Variants in THSD1 observed in about 807,000 individuals in gnomAD.
THSD1 encodes thrombospondin type 1 domain containing 1.
Under a neutral mutation model 46.3 loss-of-function variants are expected in THSD1, and 34 were observed. The ratio of observed to expected loss-of-function variants is 0.74; its 90% CI spans 0.56 to 0.98. THSD1 has a LOEUF of 0.98. THSD1 is among the 50% of genes least tolerant of loss of function. THSD1 has a pLI of 0.00. For synonymous variants in THSD1, 407 were observed against 416.5 expected, an observed-to-expected ratio of 0.98 and a Z score of 0.28; for missense variants, 1,023 against 1,058.3, an observed-to-expected ratio of 0.97 and a Z score of 0.46.
intron 3 of THSD1, among the ~76,000 whole-genome samples, chr13:52,396,579 A>G (rs1957814006): frequency 1.3e-5 from 2 of 152,202 alleles, no homozygotes; most frequent in South Asian, 4.1e-4. Flanking sequence ...ATTTCTGCCA[A>G]ATTAAACTAC....
intron 3 of THSD1, among the ~76,000 whole-genome samples, chr13:52,387,027 GAA>G (rs564754305): frequency 2.6e-5 from 4 of 152,144 alleles, no homozygotes; most frequent in Non-Finnish European, 5.9e-5. Context: ...GACTGAGGCT[GAA>G]CTAGTACAAG....
intron 2 of THSD1, among the ~76,000 whole-genome samples, chr13:52,398,955 A>G (rs1957832350): frequency 6.6e-6 from 1 of 152,242 alleles, no homozygotes; most frequent in South Asian, 2.1e-4. Context: ...ACTGATATTC[A>G]AGACAAGCAC....
At chr13:52,393,270 A>G (rs552525553) in intron 3 of THSD1, among the ~76,000 whole-genome samples, 1 of 152,364 alleles carries the variant, frequency 6.6e-6, no homozygotes, top group African/African-American at 2.4e-5. Context: ...TCCATAAAAC[A>G]GTTAGAACAG....
intron 3 of THSD1, among the ~76,000 whole-genome samples, chr13:52,394,018 T>C (rs1957792391): frequency 6.6e-6 from 1 of 152,186 alleles, no homozygotes; most frequent in African/African-American, 2.4e-5. Flanking sequence ...GTCTCGCAGT[T>C]GGCTGCATGG....
At chr13:52,382,609 C>T (rs1282066611) in intron 4 of THSD1, among the ~76,000 whole-genome samples, 2 of 152,118 alleles carry the variant, frequency 1.3e-5, no homozygotes, top group Non-Finnish European at 2.9e-5. Flanking sequence ...TCTTAATGTG[C>T]CATCTTCCCT....
At position 52,378,443 on chromosome 13, in the gene THSD1, A is replaced by G; in HGVS notation, c.1527T>C (p.Asp509=). 6.2e-6 allele frequency: 10 copies of G among 1,614,190 alleles called. No homozygotes were observed. The highest frequency in any genetic ancestry group is 8.5e-6 in the Non-Finnish European group (10 of 1,180,046). ...ACTGGAAGCTCTCGCTGCCAGAGGC[A>G]TCATCCTCGGGAGGTACCGGCCCGC... ...RRSGPVPPED[D]ASGSESFQSN... is the part of the protein sequence containing the mutation. Residue 509 remains aspartate, a synonymous_variant, in exon 5 of 5, where the codon GAT becomes GAC. Transcript: ENST00000258613.
chr13:52,389,421 T>C (rs1233042118), intron 3 of THSD1, among the ~76,000 whole-genome samples: 1 of 152,012 alleles, frequency 6.6e-6, no homozygotes, highest in Non-Finnish European at 1.5e-5. Context: ...AACCATATAA[T>C]GATAAAACTA....
At chr13:52,393,309 ATATT>A (rs770686005) in intron 3 of THSD1, among the ~76,000 whole-genome samples, 2 of 152,250 alleles carry the variant, frequency 1.3e-5, no homozygotes, top group Non-Finnish European at 2.9e-5. Context: ...CACTGTGTAA[ATATT>A]TATCCCATTA....
At chr13:52,387,689 G>A (rs1957743276) in intron 3 of THSD1, among the ~76,000 whole-genome samples, 1 of 152,108 alleles carries the variant, frequency 6.6e-6, no homozygotes. Flanking sequence ...AGATGAAGAA[G>A]GCTCATCAAT....
chr13:52,382,560 T>C lies in THSD1; in HGVS notation c.1180+3468A>G, dbSNP rs539793015. Among the ~76,000 whole-genome samples the C allele has an allele frequency of 3.3e-5, 5 of 152,226 alleles. No homozygotes were observed. In the East Asian group the frequency reaches 9.7e-4, roughly 29 times the overall value. On this transcript the variant is annotated intron_variant, in intron 4 of 4. Transcript: ENST00000258613. ...TCTCCCACCCCTCCCTGGCACACTA[T>C]CATCCAGACACACTAAACTACTTTC...
intron 3 of THSD1, among the ~76,000 whole-genome samples, chr13:52,391,220 AT>A (rs1189826794): frequency 0.023 from 3,268 of 142,462 alleles, 85 homozygotes; most frequent in African/African-American, 0.065. Context: ...CTTAGAATAA[AT>A]TTTTTTTTTT....
Position 52,397,942 on chromosome 13 carries a change from G to A in THSD1, c.311C>T (p.Thr104Ile). ...AGTGCTGTTGTCTGTTGCTTCTGGA[G>A]TCATTGTGAACCAGTAGTCACCAGC... is the stretch of plus-strand genomic sequence containing the variant. ...KEAGDYWFTM[T>I]PEATDNSTPF... Residue 104 changes from threonine to isoleucine, a missense_variant, in exon 3 of 5, where the codon ACT becomes ATT. This residue lies in a region of THSD1 where 429 missense variants were observed against 518.3 expected (regional missense o/e 0.83). Transcript: ENST00000258613. The A allele has an allele frequency of 6.2e-7, 1 of 1,614,206 alleles. No homozygotes were observed. The highest frequency in any genetic ancestry group is 8.5e-7 in the Non-Finnish European group (1 of 1,180,042).
In THSD1 at chr13:52,406,126, CCG is replaced by C. The variant is rs1957905124; in HGVS notation, c.-179_-178del. On this transcript the variant is annotated 5_prime_UTR_variant, in exon 1 of 5. Coordinates refer to ENST00000258613, the MANE Select transcript of THSD1 (RefSeq NM_018676.4). ...GCGGCGAGGTAGAGCGCCAAGCATC[CCG>C]CGTCCCAGACTGCACGCCCTGACCC... 2 of 152,208 alleles carry C rather than the reference CCG, an allele frequency of 1.3e-5. No individual in the cohort carries two copies. Among genetic ancestry groups the C allele is most frequent in the Admixed American group, 1.3e-4 (2 of 15,286 alleles). 9.4% of individuals were successfully genotyped at this position (152,208 alleles called of 1,614,324 possible).
chr13:52,401,645 C>T (rs1176633829), intron 2 of THSD1, among the ~76,000 whole-genome samples: 3 of 152,140 alleles, frequency 2.0e-5, no homozygotes, highest in South Asian at 2.1e-4. Flanking sequence ...TCCTTAAATC[C>T]GGTGTCTTCT....
intron 2 of THSD1, among the ~76,000 whole-genome samples, chr13:52,401,469 T>G (rs1957860825): frequency 6.6e-6 from 1 of 151,814 alleles, no homozygotes; most frequent in Non-Finnish European, 1.5e-5. Flanking sequence ...CGGCTAATTT[T>G]TTTGTATTTT....
At chr13:52,399,960 T>G (rs758813700) in intron 2 of THSD1, 41 of 158,186 alleles carry the variant, frequency 2.6e-4, no homozygotes, top group Non-Finnish European at 5.2e-4. Flanking sequence ...CATTTAAGAA[T>G]AAGAGGCATA....
Position 52,406,159 on chromosome 13 carries a change from C to G in THSD1, c.-210G>C. 6.6e-6 allele frequency: 1 copy of G among 152,140 alleles called. No homozygotes were observed. Among genetic ancestry groups the G allele is most frequent in the East Asian group, 1.9e-4 (1 of 5,166 alleles). 9.4% of individuals were successfully genotyped at this position (152,140 alleles called of 1,614,324 possible). On this transcript the variant is annotated 5_prime_UTR_variant, in exon 1 of 5. Transcript: ENST00000258613. ...CAGACTGCACGCCCTGACCCCGCGG[C>G]GTTCGGCTCCCACAGCCCCGCGGGG...
intron 1 of THSD1, 141 bp from the exon 2 acceptor site, chr13:52,402,822 G>A (rs1957875268): frequency 7.4e-7 from 1 of 1,353,396 alleles, no homozygotes; most frequent in African/African-American, 1.5e-5. Context: ...AATTTTCCCT[G>A]GGGCAATGAC....
At position 52,378,404 on chromosome 13, in the gene THSD1, C is replaced by T. The variant is rs1316290144; in HGVS notation, c.1566G>A (p.Lys522=). Residue 522 remains lysine (K), a synonymous_variant, in exon 5 of 5, where the codon AAG becomes AAA. Transcript: ENST00000258613. ...GSESFQSNAQ[K]IIPPLFSYRL... Reference sequence around the variant, plus strand: ...GGTAGCTGAACAGAGGTGGGATTATCTTCTGGGCGTTGGACTGGAAGCTCT... The same window carrying T: ...GGTAGCTGAACAGAGGTGGGATTATTTTCTGGGCGTTGGACTGGAAGCTCT... 1 of 1,614,112 alleles carries T rather than the reference C, an allele frequency of 6.2e-7. No homozygotes were observed. Among genetic ancestry groups the T allele is most frequent in the African/African-American group, 1.3e-5 (1 of 75,038 alleles).
Sources: gnomAD v4.1 joint callset for allele counts (sites outside exome capture counted in the v4.1 genomes callset) on GRCh38, gnomAD v4.1.1 for gene constraint, gnomAD v4.1.1 regional missense constraint, MANE v1.5 for transcripts, NCBI Gene and HGNC (gene_info 2026-07-23, HGNC 2026-07-21) for gene names.